The following NPLOC4 variants were observed in gnomAD, a reference collection of about 807,000 sequenced individuals.
NPLOC4 encodes the protein NPL4 homolog, ubiquitin recognition factor.
NPLOC4 carries 18 observed loss-of-function variants against 80.6 expected under a neutral mutation model. That is an observed-to-expected ratio of 0.22 (90% confidence interval 0.15 to 0.33). The LOEUF is 0.33. Among genes scored for constraint, NPLOC4 ranks in the 10% least tolerant of loss-of-function variants. The pLI is 1.00. For missense variants in NPLOC4, 540 were observed against 786.1 expected (o/e 0.69, Z 3.74); for synonymous variants, 313 against 301.5 (o/e 1.04, Z -0.39).
At chr17:81,561,238 T>TGA (rs1272146742) in intron 16 of NPLOC4, among the ~76,000 whole-genome samples, 1 of 152,194 alleles carries the variant, frequency 6.6e-6, no homozygotes, top group Non-Finnish European at 1.5e-5. Flanking sequence ...ATTACAGGCG[T>TGA]GAGCTACCAT....
chr17:81,635,953 G>A (rs993287311), intron 1 of NPLOC4, among the ~76,000 whole-genome samples: 2 of 150,590 alleles, frequency 1.3e-5, no homozygotes, highest in African/African-American at 2.5e-5. Flanking sequence ...TATTTTTTAC[G>A]TTAAGGAGGA....
intron 16 of NPLOC4, chr17:81,560,902 AC>A (rs1022753492): frequency 1.3e-5 from 2 of 152,014 alleles, no homozygotes; most frequent in African/African-American, 4.8e-5. Context: ...TTTCAGCCAC[AC>A]TGATGAATGT....
At chr17:81,602,354 G>A (rs189746976) in intron 8 of NPLOC4, among the ~76,000 whole-genome samples, 31 of 151,880 alleles carry the variant, frequency 2.0e-4, no homozygotes, top group African/African-American at 6.3e-4. Flanking sequence ...TGAGACCAGC[G>A]TGGGCCACAC....
In NPLOC4 at chr17:81,572,049, G is replaced by A. The variant is rs1267939083; in HGVS notation, c.1321C>T (p.Arg441Trp). ...ATGAGATACTCCACAGGCAGGGGCC[G>A]GGCCAGCTGGGTGATCTCGTTGCCA... ...KFGNEITQLA[R>W]PLPVEYLIID... The change falls in exon 13 of 17, where the codon CGG becomes TGG. Residue 441 changes from arginine to tryptophan, a missense_variant. Arg to Trp is a moderately radical substitution (Grantham distance 101). Around this residue, in one of 6 missense-constraint regions of NPLOC4, gnomAD observed 251 missense variants for 377.5 expected, o/e 0.66. Transcript: ENST00000331134. This position sits in a 1 kb window ranked among gnomAD's most constrained non-coding sequence, Gnocchi z 4.5. The A allele has an allele frequency of 1.9e-6, 3 of 1,608,256 alleles. No individual in the cohort carries two copies. The highest frequency in any genetic ancestry group is 2.5e-6 in the Non-Finnish European group (3 of 1,176,768).
intron 1 of NPLOC4, among the ~76,000 whole-genome samples, chr17:81,634,751 A>G (rs1416446774): frequency 1.3e-5 from 2 of 151,976 alleles, no homozygotes; most frequent in African/African-American, 2.4e-5. Context: ...ACACCCGGCT[A>G]ATTTTTTATT....
intron 5 of NPLOC4, among the ~76,000 whole-genome samples, chr17:81,609,961 T>C (rs2035300011): frequency 6.6e-6 from 1 of 152,238 alleles, no homozygotes; most frequent in Non-Finnish European, 1.5e-5. Flanking sequence ...CTGTAAATGC[T>C]GCCCCTTTAT....
At chr17:81,618,047 T>A (rs188098312) in intron 3 of NPLOC4, among the ~76,000 whole-genome samples, 2,712 of 152,234 alleles carry the variant, frequency 0.018, 87 homozygotes, top group African/African-American at 0.061. Flanking sequence ...CCTCCCAAAG[T>A]GCCGAGACTG....
chr17:81,628,936 T>C (rs932291176), intron 2 of NPLOC4, among the ~76,000 whole-genome samples: 1 of 150,832 alleles, frequency 6.6e-6, no homozygotes, highest in African/African-American at 2.4e-5. Flanking sequence ...TGGAGTGCAG[T>C]GGCGCGATCT....
intron 13 of NPLOC4, among the ~76,000 whole-genome samples, chr17:81,570,088 G>A (rs960554567): frequency 6.6e-6 from 1 of 152,198 alleles, no homozygotes; most frequent in African/African-American, 2.4e-5. Context: ...TGAGCTAGCT[G>A]GCCCAGGATT....
At position 81,567,129 on chromosome 17, in the gene NPLOC4, G is replaced by C. The variant is rs193146859; in HGVS notation, c.1566+288C>G. ...CTGGAGGCAGAGCTAAATCACCTCT[G>C]CTTCCCATTCGATTGTAACAGATGA... On this transcript the variant is annotated intron_variant, in intron 15 of 16. Transcript: ENST00000331134. This position sits in a 1 kb window ranked among gnomAD's most constrained non-coding sequence, Gnocchi z 4.5. 4 of 382,922 alleles carry C rather than the reference G, an allele frequency of 1.0e-5. No individual in the cohort carries two copies. The highest frequency in any genetic ancestry group is 8.7e-5 in the South Asian group (3 of 34,668). 23.7% of individuals were successfully genotyped at this position (382,922 alleles called of 1,614,324 possible).
At chr17:81,636,104 C>G (rs149496536) in intron 1 of NPLOC4, among the ~76,000 whole-genome samples, 1 of 152,000 alleles carries the variant, frequency 6.6e-6, no homozygotes, top group Non-Finnish European at 1.5e-5. Context: ...TCCCAAGTAT[C>G]TGGGATTACA....
intron 9 of NPLOC4, 137 bp from the exon 10 acceptor site, chr17:81,597,453 A>T (rs2034942750): frequency 1.5e-6 from 1 of 658,646 alleles, no homozygotes; most frequent in Non-Finnish European, 2.7e-6. Context: ...GATCGAGACC[A>T]TCCTGGCCAA....
chr17:81,560,961 T>C lies in NPLOC4; in HGVS notation c.1670-1545A>G, dbSNP rs138337750. ...TTTGCATTTCCCTGATGACTAATGATAGTGACTGTTCCTGCATCTCCTTTT... is the reference window on the plus strand; with the variant it reads ...TTTGCATTTCCCTGATGACTAATGACAGTGACTGTTCCTGCATCTCCTTTT... On this transcript the variant is annotated intron_variant, in intron 16 of 16. Coordinates refer to ENST00000331134, the MANE Select transcript of NPLOC4 (RefSeq NM_017921.4). The C allele has an allele frequency of 5.9e-5, 9 of 152,266 alleles. No homozygotes were observed. In the East Asian group the frequency reaches 1.7e-3, roughly 29 times the overall value. 9.4% of individuals were successfully genotyped at this position (152,266 alleles called of 1,614,324 possible).
intron 6 of NPLOC4, among the ~76,000 whole-genome samples, chr17:81,607,300 A>C (rs769755034): frequency 1.1e-4 from 16 of 152,142 alleles, no homozygotes; most frequent in Non-Finnish European, 2.1e-4. Flanking sequence ...TTTAGGCTAA[A>C]ATAAAAACTA....
chr17:81,606,530 T>C (rs905237242), intron 7 of NPLOC4, among the ~76,000 whole-genome samples, 161 bp downstream of exon 7: 1 of 152,116 alleles, frequency 6.6e-6, no homozygotes, highest in Non-Finnish European at 1.5e-5. Context: ...AAAAATGATA[T>C]ATTCAGTGTA....
Position 81,558,863 on chromosome 17 carries a change from G to A in NPLOC4, c.*396C>T, listed in dbSNP as rs1454120880. 2 of 159,208 alleles carry A rather than the reference G, an allele frequency of 1.3e-5. No homozygotes were observed. Among genetic ancestry groups the A allele is most frequent in the Non-Finnish European group, 2.8e-5 (2 of 72,692 alleles). The allele number at this position is 159,208 out of a possible 1,614,324, so 9.9% of individuals were successfully genotyped here. ...AGCTCCCAGCCAGAAAAACATGGGG[G>A]CAGGGAGGCCAAACAAAAAGCACTG... On this transcript the variant is annotated 3_prime_UTR_variant, in exon 17 of 17. Transcript: ENST00000331134.
intron 16 of NPLOC4, among the ~76,000 whole-genome samples, chr17:81,560,298 G>C (rs112292147): frequency 6.6e-6 from 1 of 151,942 alleles, no homozygotes; most frequent in African/African-American, 2.4e-5. Flanking sequence ...CTGCCGTTCC[G>C]GCTACTCAGG....
chr17:81,597,197 C>T, intron 10 of NPLOC4, 48 bp downstream of exon 10: 1 of 1,442,526 alleles, frequency 6.9e-7, no homozygotes, highest in East Asian at 2.3e-5. Flanking sequence ...CCAACACCAT[C>T]TGTAACCAAG....
intron 11 of NPLOC4, among the ~76,000 whole-genome samples, chr17:81,593,009 T>G (rs1394476403): frequency 6.6e-6 from 1 of 151,838 alleles, no homozygotes; most frequent in African/African-American, 2.4e-5. Context: ...AAATAAAAGA[T>G]CCTCGATTTC....
Sources: gnomAD v4.1 joint callset for allele counts (sites outside exome capture counted in the v4.1 genomes callset) on GRCh38, gnomAD v4.1.1 for gene constraint, gnomAD v4.1.1 regional missense constraint, Gnocchi (gnomAD v3.1) non-coding constraint, MANE v1.5 for transcripts, NCBI Gene and HGNC (gene_info 2026-07-23, HGNC 2026-07-21) for gene names.